The following RANGAP1 variants were observed in gnomAD, a reference collection of about 807,000 sequenced individuals.
RANGAP1 encodes the protein Ran GTPase activating protein 1.
Under a neutral mutation model 63.5 loss-of-function variants are expected in RANGAP1, and 38 were observed. The observed-to-expected ratio is 0.60, with a 90% CI of 0.46 to 0.78. The LOEUF is 0.78. Ranked by LOEUF, RANGAP1 falls within the 30% of genes least tolerant of loss-of-function variation. The pLI is 0.00. For missense variants in RANGAP1, 630 were observed against 740.3 expected, an observed-to-expected ratio of 0.85 and a Z score of 1.73; for synonymous variants, 329 against 310.5, an observed-to-expected ratio of 1.06 and a Z score of -0.63.
At chr22:41,276,093 T>C (rs1783869862) in intron 2 of RANGAP1, among the ~76,000 whole-genome samples, 3 of 152,196 alleles carry the variant, frequency 2.0e-5, no homozygotes, top group African/African-American at 4.8e-5. Context: ...GTTATAGCAA[T>C]AAGTGAAAAA....
At chr22:41,294,897 C>G in the RANGAP1 span, among the ~76,000 whole-genome samples, 1 of 83,180 alleles carries the variant, frequency 1.2e-5, no homozygotes, top group Non-Finnish European at 2.3e-5. Flanking sequence ...GTGAGCCCCC[C>G]GCCCGGCCAG....
At chr22:41,270,145 A>AT (rs1361579549) in intron 3 of RANGAP1, among the ~76,000 whole-genome samples, 1 of 141,014 alleles carries the variant, frequency 7.1e-6, no homozygotes, top group Non-Finnish European at 1.5e-5. Flanking sequence ...TATTTTATCT[A>AT]TTTATTTATT....
At chr22:41,256,849 G>A (rs1227234974) in intron 7 of RANGAP1, 25 bp from the exon 8 acceptor site, 1 of 1,594,500 alleles carries the variant, frequency 6.3e-7, no homozygotes, top group East Asian at 2.2e-5. Context: ...CAAGGGTCCA[G>A]AGTGAGGGTG....
chr22:41,258,618 C>T (rs1473496245), intron 6 of RANGAP1, among the ~76,000 whole-genome samples: 1 of 152,182 alleles, frequency 6.6e-6, no homozygotes, highest in African/African-American at 2.4e-5. Flanking sequence ...CTTTTGATAC[C>T]CATTCTCTCT....
At chr22:41,270,295 C>T (rs1244274944) in intron 3 of RANGAP1, among the ~76,000 whole-genome samples, 1 of 151,962 alleles carries the variant, frequency 6.6e-6, no homozygotes, top group Non-Finnish European at 1.5e-5. Context: ...CACCCGCCAC[C>T]GCGCCCAGCT....
At position 41,245,602 on chromosome 22, in the gene RANGAP1, C is replaced by G. The variant is rs1051823749; in HGVS notation, c.*1001G>C. On this transcript the variant is annotated 3_prime_UTR_variant, in exon 16 of 16. Transcript: ENST00000356244. ...ACTATCCCGCTTTCAGTGAGAGTTT[C>G]TGAGTCTCTGAAGCTGCCACACGAC... is the stretch of plus-strand genomic sequence containing the variant. The G allele has an allele frequency of 3.0e-4, 46 of 152,234 alleles. No individual in the cohort carries two copies. The highest frequency in any genetic ancestry group is 1.1e-3 in the African/African-American group (45 of 41,428). The allele number at this position is 152,234 out of a possible 1,614,324, so 9.4% of individuals were successfully genotyped here. A position where few individuals can be genotyped will look rare whatever the true frequency, so the allele number is the denominator to read the frequency against.
intron 6 of RANGAP1, among the ~76,000 whole-genome samples, 170 bp downstream of exon 6, chr22:41,261,276 G>A (rs904366049): frequency 2.6e-5 from 4 of 152,340 alleles, no homozygotes; most frequent in Middle Eastern, 3.4e-3. Context: ...AGAAATGCAC[G>A]ACAGGAATTC....
the RANGAP1 span, among the ~76,000 whole-genome samples, chr22:41,293,608 C>G: frequency 6.6e-6 from 1 of 151,640 alleles, no homozygotes; most frequent in African/African-American, 2.4e-5. Flanking sequence ...GAAACCCCAT[C>G]TCTACTAAAA....
At chr22:41,277,164 G>A (rs1243969011) in intron 2 of RANGAP1, among the ~76,000 whole-genome samples, 23 of 128,050 alleles carry the variant, frequency 1.8e-4, no homozygotes, top group Admixed American at 8.1e-4. Flanking sequence ...TGCAAGCTCC[G>A]CCTCCCGGGT....
chr22:41,277,767 GAA>G (rs2035243018), intron 2 of RANGAP1, among the ~76,000 whole-genome samples: 1 of 152,164 alleles, frequency 6.6e-6, no homozygotes, highest in South Asian at 2.1e-4. Context: ...GGCAAGGGAT[GAA>G]AAGACTTCCT....
chr22:41,285,739 C>T, intron 1 of RANGAP1: 1 of 955,552 alleles, frequency 1.0e-6, no homozygotes, highest in Non-Finnish European at 1.2e-6. Context: ...CCACTGCTAG[C>T]AGCTGCAGGC....
At chr22:41,288,933 T>C (rs2035804539), upstream of RANGAP1, among the ~76,000 whole-genome samples, 1 of 148,792 alleles carries the variant, frequency 6.7e-6, no homozygotes, top group South Asian at 2.2e-4. Flanking sequence ...TTTTTTTTTT[T>C]TTTTTTTGAG....
chr22:41,255,449 C>A lies in RANGAP1; in HGVS notation c.1073+572G>T, dbSNP rs955206777. ...CCACCCACCTTCACCTCCAGGTAGA[C>A]TCCCCAGGCCCCATGGTCTCTTCCT... On this transcript the variant is annotated intron_variant, in intron 10 of 15. Coordinates refer to ENST00000356244, the MANE Select transcript of RANGAP1 (RefSeq NM_002883.4). Among the ~76,000 whole-genome samples the A allele has an allele frequency of 4.6e-5, 7 of 152,092 alleles. No individual in the cohort carries two copies. The South Asian group carries it at 1.4e-3, about 31-fold the overall frequency.
chr22:41,281,142 A>T, intron 1 of RANGAP1, 60 bp from the exon 2 acceptor site: 1 of 1,437,156 alleles, frequency 7.0e-7, no homozygotes, highest in Non-Finnish European at 9.2e-7. Flanking sequence ...GGTTGGGGGC[A>T]GGGTAGGACA....
chr22:41,261,559 C>G lies in RANGAP1; in HGVS notation c.502G>C (p.Glu168Gln), dbSNP rs192693062. 1.9e-6 allele frequency: 3 copies of G among 1,614,234 alleles called. No individual in the cohort carries two copies. In the Admixed American group the frequency reaches 5.0e-5, roughly 27 times the overall value. ...TGGGCACTGGATTTCCGGTGACATTCGGTCAGAGCTGCAGCCAGGATCTGT... is the reference window on the plus strand; with the variant it reads ...TGGGCACTGGATTTCCGGTGACATTGGGTCAGAGCTGCAGCCAGGATCTGT... ...GGKILAAALT[E>Q]CHRKSSAQGK... Residue 168 changes from glutamate to glutamine, a missense_variant, in exon 6 of 16, where the codon GAA (glutamate) becomes CAA (glutamine). This residue lies in a region of RANGAP1 where 137 missense variants were observed against 214.3 expected (regional missense o/e 0.64). Coordinates refer to ENST00000356244, the MANE Select transcript of RANGAP1 (RefSeq NM_002883.4).
intron 4 of RANGAP1, 43 bp from the exon 5 acceptor site, chr22:41,264,886 C>T (rs1487838096): frequency 1.3e-6 from 2 of 1,566,322 alleles, no homozygotes; most frequent in Admixed American, 3.4e-5. Flanking sequence ...AGACACCCAG[C>T]TTCTGTGCTG....
intron 2 of RANGAP1, among the ~76,000 whole-genome samples, chr22:41,277,751 A>G (rs1353100136): frequency 6.6e-6 from 1 of 152,200 alleles, no homozygotes; most frequent in East Asian, 1.9e-4. Flanking sequence ...GTGCCAGCCA[A>G]GCCTTGGCAA....
chr22:41,277,529 G>T (rs1215350881), intron 2 of RANGAP1: 13 of 1,193,388 alleles, frequency 1.1e-5, no homozygotes, highest in Non-Finnish European at 1.4e-5. Context: ...TGACATGTGG[G>T]AGGGAAGAGA....
the RANGAP1 span, among the ~76,000 whole-genome samples, chr22:41,299,112 C>T: frequency 6.6e-6 from 1 of 152,016 alleles, no homozygotes; most frequent in Non-Finnish European, 1.5e-5. Flanking sequence ...ACCATCAAAT[C>T]AGGGATTAGA....
Sources: gnomAD v4.1 joint callset for allele counts (sites outside exome capture counted in the v4.1 genomes callset) on GRCh38, gnomAD v4.1.1 for gene constraint, gnomAD v4.1.1 regional missense constraint, MANE v1.5 for transcripts, NCBI Gene and HGNC (gene_info 2026-07-23, HGNC 2026-07-21) for gene names.